The following F10 variants were observed in gnomAD, a reference collection of about 807,000 sequenced individuals.
The protein encoded by F10 is coagulation factor X.
Under a neutral mutation model 37.1 loss-of-function variants are expected in F10, and 29 were observed. That is an observed-to-expected ratio of 0.78 (90% CI 0.58 to 1.07). F10 has a LOEUF of 1.07. Ranked by LOEUF, F10 falls within the 50% of genes least tolerant of loss-of-function variation. F10 has a pLI of 0.00. For synonymous variants in F10, 262 were observed against 268.6 expected, an observed-to-expected ratio of 0.98 and a Z score of 0.24; for missense variants, 539 against 667.9, an observed-to-expected ratio of 0.81 and a Z score of 2.13.
chr13:113,129,477 C>T lies in F10; in HGVS notation c.96C>T (p.Asn32=), dbSNP rs147925826. Residue 32 remains asparagine, a synonymous_variant, in exon 2 of 8, where the codon AAC becomes AAT. Coordinates refer to ENST00000375559, the MANE Select transcript of F10 (RefSeq NM_000504.4). ...TGTTCATCCGCAGGGAGCAGGCCAA[C>T]AACATCCTGGCGAGGGTCACGAGGG... ...ESLFIRREQA[N]NILARVTRAN... 1.0e-4 allele frequency: 161 copies of T among 1,614,022 alleles called. 1 individual carries two copies. The highest frequency in any genetic ancestry group is 1.9e-5 in the Non-Finnish European group (23 of 1,180,028).
intron 1 of F10, among the ~76,000 whole-genome samples, chr13:113,124,120 ATCCTGAGGCCCTAAGCCCGGCCCGGGGC>A (rs552495124): frequency 4.7e-4 from 72 of 152,280 alleles, no homozygotes; most frequent in African/African-American, 1.6e-3. Context: ...ATGCTCTAGG[ATCCTGAGGCCCTAAGCCCGGCCCGGGGC>A]TCCCGAGGCC....
At chr13:113,127,781 T>C (rs1449595232) in intron 1 of F10, among the ~76,000 whole-genome samples, 1 of 152,218 alleles carries the variant, frequency 6.6e-6, no homozygotes, top group Non-Finnish European at 1.5e-5. Context: ...TGTACTATTA[T>C]AGTTTGTAAT....
rs2036565038 is a variant in F10 at position 113,144,780 on chromosome 13, C to T, written c.747+685C>T. On this transcript the variant is annotated intron_variant, in intron 6 of 7. Coordinates refer to ENST00000375559, the MANE Select transcript of F10 (RefSeq NM_000504.4). The surrounding 1 kb of genome is among the most constrained non-coding windows in gnomAD (Gnocchi z 6.4). ...CCAGGCTGGAGTGCAGTGTCGCGAT[C>T]TCGGCTCACTGCAACCTCCACCTCC... Among the ~76,000 whole-genome samples, 1 of 152,202 alleles carries T rather than the reference C, an allele frequency of 6.6e-6. No individual in the cohort carries two copies. Among genetic ancestry groups the T allele is most frequent in the Non-Finnish European group, 1.5e-5 (1 of 68,046 alleles).
At chr13:113,124,750 C>T (rs2036354827) in intron 1 of F10, among the ~76,000 whole-genome samples, 1 of 152,260 alleles carries the variant, frequency 6.6e-6, no homozygotes, top group Admixed American at 6.5e-5. Flanking sequence ...GGTACTGCTA[C>T]AAGAAAGGAC....
Position 113,144,287 on chromosome 13 carries a change from A to C in F10, c.747+192A>C, listed in dbSNP as rs3211784. 7.1e-3 allele frequency: 5,761 copies of C among 816,834 alleles called. 236 individuals carry two copies. The African/African-American group carries it at 0.086, about 12-fold the overall frequency. The allele number at this position is 816,834 out of a possible 1,614,324, so 50.6% of individuals were successfully genotyped here. On this transcript the variant is annotated intron_variant, in intron 6 of 7. Transcript: ENST00000375559. This position sits in a 1 kb window ranked among gnomAD's most constrained non-coding sequence, Gnocchi z 6.4. ...GGCAGCCAAGGAGGCTGTGAGCTCCACAGGGAAGTGGCCGGGGCTGAGGGA... is the reference window on the plus strand; with the variant it reads ...GGCAGCCAAGGAGGCTGTGAGCTCCCCAGGGAAGTGGCCGGGGCTGAGGGA...
rs370999670 is a variant in F10 at position 113,141,006 on chromosome 13, G to A, written c.458G>A (p.Arg153His). The change falls in exon 5 of 8, where the codon CGC becomes CAC. Residue 153 changes from arginine (R) to histidine (H), a missense_variant. Physicochemically the swap from Arg to His is conservative, Grantham distance 29. Transcript: ENST00000375559. The surrounding 1 kb of genome is among the most constrained non-coding windows in gnomAD (Gnocchi z 5.4). ...AACTCTGTGGTGTGCTCCTGCGCCC[G>A]CGGGTACACCCTGGCTGACAACGGC... ...EQNSVVCSCA[R>H]GYTLADNGKA... is the part of the protein sequence containing the mutation. The A allele has an allele frequency of 1.7e-4, 278 of 1,614,084 alleles. 1 individual carries two copies. Among genetic ancestry groups the A allele is most frequent in the South Asian group, 1.1e-3 (96 of 91,088 alleles).
At position 113,143,717 on chromosome 13, in the gene F10, C is replaced by G; in HGVS notation, c.503-134C>G. Reference sequence around the variant, plus strand: ...GCCGACGACGTGGGGCCTCGCCCTGCAAGCCCGCTGCCCCTCCGGGTGCCC... The same window carrying G: ...GCCGACGACGTGGGGCCTCGCCCTGGAAGCCCGCTGCCCCTCCGGGTGCCC... On this transcript the variant is annotated intron_variant, in intron 5 of 7. Transcript: ENST00000375559. This position sits in a 1 kb window ranked among gnomAD's most constrained non-coding sequence, Gnocchi z 6.8. 3 of 1,360,360 alleles carry G rather than the reference C, an allele frequency of 2.2e-6. No homozygotes were observed. Among genetic ancestry groups the G allele is most frequent in the Admixed American group, 2.1e-5 (1 of 47,030 alleles). The allele number at this position is 1,360,360 out of a possible 1,614,324, so 84.3% of individuals were successfully genotyped here.
Position 113,149,208 on chromosome 13 carries a change from C to G in F10, c.1158C>G (p.Asp386Glu), listed in dbSNP as rs1332756739. ...RLKMLEVPYV[D>E]RNSCKLSSSF... Reference sequence around the variant, plus strand: ...AGATGCTGGAGGTGCCCTACGTGGACCGCAACAGCTGCAAGCTGTCCAGCA... The same window carrying G: ...AGATGCTGGAGGTGCCCTACGTGGAGCGCAACAGCTGCAAGCTGTCCAGCA... The change falls in exon 8 of 8, where the codon GAC (aspartate) becomes GAG (glutamate). Residue 386 changes from aspartate (D) to glutamate (E), a missense_variant. By Grantham distance (45) the Asp-to-Glu change is conservative. Transcript: ENST00000375559. The surrounding 1 kb of genome is among the most constrained non-coding windows in gnomAD (Gnocchi z 7.5). 1.2e-6 allele frequency: 2 copies of G among 1,613,030 alleles called. No homozygotes were observed. Among genetic ancestry groups the G allele is most frequent in the Non-Finnish European group, 8.5e-7 (1 of 1,179,986 alleles).
intron 3 of F10, among the ~76,000 whole-genome samples, chr13:113,138,854 C>G (rs529335353): frequency 1.5e-4 from 23 of 152,260 alleles, no homozygotes; most frequent in Non-Finnish European, 2.5e-4. Context: ...GAAGTGGCCT[C>G]AGTCATGACT....
chr13:113,138,723 T>C (rs1239350245), intron 3 of F10, among the ~76,000 whole-genome samples: 1 of 152,238 alleles, frequency 6.6e-6, no homozygotes, highest in Non-Finnish European at 1.5e-5. Flanking sequence ...CATTTGAGGA[T>C]ACCAAATTCC....
Position 113,129,612 on chromosome 13 carries a change from G to C in F10, c.231G>C (p.Thr77=), listed in dbSNP as rs201932014. 3 of 1,614,096 alleles carry C rather than the reference G, an allele frequency of 1.9e-6. No homozygotes were observed. Among genetic ancestry groups the C allele is most frequent in the Non-Finnish European group, 1.7e-6 (2 of 1,180,016 alleles). Residue 77 remains threonine (T), a splice_region_variant and synonymous_variant, in exon 2 of 8, where the codon ACG becomes ACC. Transcript: ENST00000375559. ...AGGTCTTTGAGGACAGCGACAAGAC[G>C]GTAAGGGCTGGGGATAGCCTGGCTG... The part of the protein sequence containing the change: ...AREVFEDSDK[T]NEFWNKYKDG...
rs1047172291 is a variant in F10, at chr13:113,149,446, A to G, written c.1396A>G (p.Met466Val). The change falls in exon 8 of 8, where the codon ATG becomes GTG. Residue 466 changes from methionine (M) to valine (V), a missense_variant. Physicochemically the swap from Met to Val is conservative, Grantham distance 21. Coordinates refer to ENST00000375559, the MANE Select transcript of F10 (RefSeq NM_000504.4). The surrounding 1 kb of genome is among the most constrained non-coding windows in gnomAD (Gnocchi z 7.5). ...CTTCCTCAAGTGGATCGACAGGTCC[A>G]TGAAAACCAGGGGCTTGCCCAAGGC... ...TAFLKWIDRSMKTRGLPKAKS... is the reference protein window; with the variant it reads ...TAFLKWIDRSVKTRGLPKAKS... The G allele has an allele frequency of 1.9e-6, 3 of 1,613,418 alleles. No homozygotes were observed. The highest frequency in any genetic ancestry group is 2.5e-6 in the Non-Finnish European group (3 of 1,179,996).
At chr13:113,142,387 A>C (rs147443841) in intron 5 of F10, among the ~76,000 whole-genome samples, 68,900 of 120,592 alleles carry the variant, frequency 0.57, 16,545 homozygotes, top group East Asian at 0.66. Flanking sequence ...TAAAAATACA[A>C]AAAAAAAAAA....
Position 113,129,589 on chromosome 13 carries a change from G to A in F10, c.208G>A (p.Val70Ile). 1.2e-6 allele frequency: 2 copies of A among 1,614,242 alleles called. No individual in the cohort carries two copies. Among genetic ancestry groups the A allele is most frequent in the Non-Finnish European group, 1.7e-6 (2 of 1,180,042 alleles). The change falls in exon 2 of 8, where the codon GTC becomes ATC. Residue 70 changes from valine to isoleucine, a missense_variant. Around this residue, in one of 2 missense-constraint regions of F10, gnomAD observed 130 missense variants for 120.0 expected, o/e 1.08. Transcript: ENST00000375559. ...CTGCTCATACGAAGAGGCCCGCGAG[G>A]TCTTTGAGGACAGCGACAAGACGGT... ...ETCSYEEARE[V>I]FEDSDKTNEF...
intron 4 of F10, chr13:113,140,644 G>T: frequency 1.5e-6 from 1 of 646,868 alleles, no homozygotes. Context: ...TAATGTGAGT[G>T]CTGCTGGGGC....
chr13:113,130,955 G>A (rs1318190174), intron 2 of F10: 1 of 152,280 alleles, frequency 6.6e-6, no homozygotes, highest in Non-Finnish European at 1.5e-5. Flanking sequence ...GCTGCCTCCT[G>A]GCTCACATGT....
Position 113,143,943 on chromosome 13 carries a change from A to C in F10, c.595A>C (p.Thr199Pro). The C allele has an allele frequency of 1.9e-6, 3 of 1,613,554 alleles. No individual in the cohort carries two copies. In the East Asian group the frequency reaches 6.7e-5, roughly 36 times the overall value. ...SSSGEAPDSI[T>P]WKPYDAADLD... ...CAGCGGGGAGGCCCCTGACAGCATC[A>C]CATGGAAGCCATATGATGCAGCCGA... The change falls in exon 6 of 8, where the codon ACA becomes CCA. Residue 199 changes from threonine to proline, a missense_variant. Thr to Pro is a conservative substitution (Grantham distance 38, BLOSUM62 -1). Transcript: ENST00000375559. This position sits in a 1 kb window ranked among gnomAD's most constrained non-coding sequence, Gnocchi z 6.8.
chr13:113,147,367 C>T lies in F10; in HGVS notation c.748-12C>T, dbSNP rs763042894. 56 of 1,582,974 alleles carry T rather than the reference C, an allele frequency of 3.5e-5. No homozygotes were observed. Among genetic ancestry groups the T allele is most frequent in the African/African-American group, 5.4e-5 (4 of 74,568 alleles). On this transcript the variant is annotated splice_polypyrimidine_tract_variant and intron_variant, in intron 6 of 7. Coordinates refer to ENST00000375559, the MANE Select transcript of F10 (RefSeq NM_000504.4). ...CTGGCCAGCCACACTGAGCCTGTCA[C>T]GTCTGTCACAGGCCCTGCTCATCAA...
rs45442296 is a variant in F10, at chr13:113,143,831, G to A, written c.503-20G>A. On this transcript the variant is annotated intron_variant, in intron 5 of 7. Coordinates refer to ENST00000375559, the MANE Select transcript of F10 (RefSeq NM_000504.4). The surrounding 1 kb of genome is among the most constrained non-coding windows in gnomAD (Gnocchi z 6.8). ...AGCCTCTCTCTGTGCTGAAGGCCCC[G>A]GCCGTCCTCTTTCTTTCAGGGCCCT... 9.6e-3 allele frequency: 15,407 copies of A among 1,610,208 alleles called. 93 individuals are homozygous for A. Among genetic ancestry groups the A allele is most frequent in the Non-Finnish European group, 0.011 (13,057 of 1,179,950 alleles).
Sources: allele counts gnomAD v4.1 joint callset (sites outside exome capture counted in the v4.1 genomes callset), GRCh38; gene constraint gnomAD v4.1.1; regional missense constraint gnomAD v4.1.1; non-coding constraint Gnocchi (gnomAD v3.1); transcripts MANE v1.5; gene names NCBI Gene and HGNC (gene_info 2026-07-23, HGNC 2026-07-21).